The following TXNDC16 variants were observed in gnomAD, a reference collection of about 807,000 sequenced individuals.
The protein encoded by TXNDC16 is thioredoxin domain-containing protein 16.
Under a neutral mutation model 85.6 loss-of-function variants are expected in TXNDC16, and 74 were observed. The ratio of observed to expected loss-of-function variants is 0.86; its 90% CI spans 0.72 to 1.05. The LOEUF is 1.05. Among genes scored for constraint, TXNDC16 ranks in the 50% least tolerant of loss-of-function variants. The probability of loss-of-function intolerance (pLI) is 0.00; values close to 1 mark genes in which losing one functional copy is unlikely to be tolerated. For missense variants in TXNDC16, 959 were observed against 947.0 expected (o/e 1.01, Z -0.17); for synonymous variants, 335 against 326.5 (o/e 1.03, Z -0.28).
At chr14:52,524,894 G>A (rs2037291948) in intron 6 of TXNDC16, among the ~76,000 whole-genome samples, 1 of 152,084 alleles carries the variant, frequency 6.6e-6, no homozygotes, top group Admixed American at 6.5e-5. Flanking sequence ...GCTGAGGCGG[G>A]AGGATCACCT....
intron 17 of TXNDC16, among the ~76,000 whole-genome samples, chr14:52,455,668 G>A (rs1273794465): frequency 6.6e-6 from 1 of 152,036 alleles, no homozygotes; most frequent in African/African-American, 2.4e-5. Flanking sequence ...TAACAAACTA[G>A]ATTTTTAAAA....
chr14:52,502,643 G>C (rs1477041025), intron 9 of TXNDC16, among the ~76,000 whole-genome samples: 2 of 152,210 alleles, frequency 1.3e-5, no homozygotes, highest in East Asian at 3.9e-4. Flanking sequence ...AGCTCCCAGA[G>C]TGAGCGAGGC....
intron 14 of TXNDC16, among the ~76,000 whole-genome samples, chr14:52,476,338 C>T (rs2140138472): frequency 1.3e-5 from 2 of 152,054 alleles, no homozygotes; most frequent in Admixed American, 1.3e-4. Flanking sequence ...AGAAGAAATC[C>T]CTGATCTACC....
At chr14:52,529,971 TAAC>T (rs1395471438) in intron 6 of TXNDC16, among the ~76,000 whole-genome samples, 2 of 101,524 alleles carry the variant, frequency 2.0e-5, no homozygotes, top group Non-Finnish European at 3.5e-5. Flanking sequence ...ATAATACATA[TAAC>T]AATATGTAAT....
At chr14:52,440,891 G>A (rs987092503) in intron 18 of TXNDC16, among the ~76,000 whole-genome samples, 167 bp from the exon 19 acceptor site, 5 of 151,994 alleles carry the variant, frequency 3.3e-5, no homozygotes, top group African/African-American at 7.3e-5. Context: ...AATCTCAATC[G>A]TCTTATTCAA....
chr14:52,494,113 T>C (rs969048435), intron 9 of TXNDC16, among the ~76,000 whole-genome samples: 1 of 151,760 alleles, frequency 6.6e-6, no homozygotes, highest in East Asian at 1.9e-4. Context: ...TAGGTAAGTA[T>C]AGGATTCTCT....
At chr14:52,446,842 C>T (rs937911777) in intron 18 of TXNDC16, among the ~76,000 whole-genome samples, 2 of 152,002 alleles carry the variant, frequency 1.3e-5, no homozygotes, top group African/African-American at 4.8e-5. Context: ...GAAACTGCTA[C>T]CTCTATGGGA....
intron 16 of TXNDC16, 123 bp from the exon 17 acceptor site, chr14:52,457,297 C>T: frequency 1.9e-6 from 1 of 525,596 alleles, no homozygotes; most frequent in Non-Finnish European, 3.3e-6. Context: ...TATTTAAGTG[C>T]AGATGTCTTA....
intron 6 of TXNDC16, among the ~76,000 whole-genome samples, chr14:52,524,318 T>C (rs1432366189): frequency 6.6e-6 from 1 of 152,212 alleles, no homozygotes; most frequent in East Asian, 1.9e-4. Flanking sequence ...TTGAAGTTCA[T>C]GTTATGAGTA....
At chr14:52,471,228 T>C (rs80008155) in intron 14 of TXNDC16, among the ~76,000 whole-genome samples, 2,349 of 152,322 alleles carry the variant, frequency 0.015, 48 homozygotes, top group African/African-American at 0.053. Flanking sequence ...TTCATGCCTA[T>C]TGATTAATCA....
At position 52,482,982 on chromosome 14, in the gene TXNDC16, G is replaced by T. The variant is rs1182113212; in HGVS notation, c.1109-17C>A. The T allele has an allele frequency of 6.3e-7, 1 of 1,586,508 alleles. No homozygotes were observed. The highest frequency in any genetic ancestry group is 8.5e-7 in the Non-Finnish European group (1 of 1,170,326). On this transcript the variant is annotated splice_polypyrimidine_tract_variant and intron_variant, in intron 12 of 20. Transcript: ENST00000281741. ...CCTGAACATCTAAAATGTTGGAAAAGAAATTAATTTAAATATTGATGTATA... is the reference window on the plus strand; with the variant it reads ...CCTGAACATCTAAAATGTTGGAAAATAAATTAATTTAAATATTGATGTATA...
chr14:52,487,560 G>A (rs905412984), intron 12 of TXNDC16, among the ~76,000 whole-genome samples: 4 of 152,148 alleles, frequency 2.6e-5, no homozygotes, highest in Non-Finnish European at 4.4e-5. Context: ...TATGAAAGAT[G>A]TATCAGAAAT....
intron 9 of TXNDC16, among the ~76,000 whole-genome samples, chr14:52,510,417 T>C (rs763474684): frequency 3.4e-4 from 51 of 152,218 alleles, no homozygotes; most frequent in Non-Finnish European, 6.3e-4. Context: ...TTCATTTTCT[T>C]CTATTAAACT....
In TXNDC16 at chr14:52,430,654, T is replaced by C. The variant is rs1383213139; in HGVS notation, c.*1650A>G. ...TGACAAACATTAATGACTGTCAAAA[T>C]TGCTGACAAAGGTACAATGACTAAG... On this transcript the variant is annotated 3_prime_UTR_variant, in exon 21 of 21. Transcript: ENST00000281741. 6.6e-6 allele frequency: 1 copy of C among 152,210 alleles called. No individual in the cohort carries two copies. Among genetic ancestry groups the C allele is most frequent in the Non-Finnish European group, 1.5e-5 (1 of 68,036 alleles). The allele number at this position is 152,210 out of a possible 1,614,324, so 9.4% of individuals were successfully genotyped here. A position where few individuals can be genotyped will look rare whatever the true frequency, so the allele number is the denominator to read the frequency against.
chr14:52,470,273 G>T (rs1057349755), intron 15 of TXNDC16, 100 bp from the exon 16 acceptor site: 14 of 953,300 alleles, frequency 1.5e-5, no homozygotes, highest in Non-Finnish European at 2.1e-5. Flanking sequence ...TATTACATAG[G>T]ATAATATCTT....
chr14:52,478,562 C>G (rs1246102722), intron 14 of TXNDC16, among the ~76,000 whole-genome samples: 4 of 151,838 alleles, frequency 2.6e-5, no homozygotes, highest in Non-Finnish European at 5.9e-5. Flanking sequence ...ACTGGAAAAC[C>G]TAGAGGAGAT....
intron 18 of TXNDC16, among the ~76,000 whole-genome samples, chr14:52,447,301 G>T (rs755628178): frequency 3.9e-5 from 6 of 152,140 alleles, no homozygotes; most frequent in Non-Finnish European, 8.8e-5. Context: ...GGTAGCAGTG[G>T]CCATGGGGTG....
chr14:52,544,720 A>C (rs2037906088), intron 1 of TXNDC16, among the ~76,000 whole-genome samples: 1 of 152,014 alleles, frequency 6.6e-6, no homozygotes, highest in Non-Finnish European at 1.5e-5. Context: ...AAAATGAAGT[A>C]ATTACTCATT....
chr14:52,485,044 G>A (rs2036237349), intron 12 of TXNDC16, among the ~76,000 whole-genome samples: 1 of 152,090 alleles, frequency 6.6e-6, no homozygotes. Flanking sequence ...AACAGCCTCA[G>A]GTAGGTCTTC....
Sources: allele counts gnomAD v4.1 joint callset (sites outside exome capture counted in the v4.1 genomes callset), GRCh38; gene constraint gnomAD v4.1.1; transcripts MANE v1.5; gene names NCBI Gene and HGNC (gene_info 2026-07-23, HGNC 2026-07-21).